GABRG2: variants seen among roughly 807,000 people sequenced by gnomAD.
GABRG2 encodes gamma-aminobutyric acid type A receptor subunit gamma2.
GABRG2 carries 16 observed loss-of-function variants against 56.4 expected under a neutral mutation model. The ratio of observed to expected loss-of-function variants is 0.28; its 90% confidence interval spans 0.19 to 0.43. GABRG2 has a LOEUF of 0.43. Ranked by LOEUF, GABRG2 falls within the 20% of genes least tolerant of loss-of-function variation. The probability of loss-of-function intolerance (pLI) is 1.00; values close to 1 mark genes in which losing one functional copy is unlikely to be tolerated. For synonymous variants in GABRG2, 208 were observed against 205.5 expected, an observed-to-expected ratio of 1.01 and a Z score of -0.10; for missense variants, 327 against 582.7, an observed-to-expected ratio of 0.56 and a Z score of 4.52.
chr5:162,077,099 GTGTGTGTGTGT>G (rs1561635624), intron 1 of GABRG2, among the ~76,000 whole-genome samples: 1 of 150,714 alleles, frequency 6.6e-6, no homozygotes, highest in Non-Finnish European at 1.5e-5. Context: ...GTGTGTGTGT[GTGTGTGTGTGT>G]GATGTTTCTA....
chr5:162,115,484 T>A (rs1313771957), intron 6 of GABRG2, among the ~76,000 whole-genome samples: 1 of 150,614 alleles, frequency 6.6e-6, no homozygotes, highest in Non-Finnish European at 1.5e-5. Flanking sequence ...GGGACCAGGG[T>A]GTTGCCATAG....
At chr5:162,104,058 C>G (rs751071750) in intron 6 of GABRG2, 32 bp downstream of exon 6, 1 of 1,612,248 alleles carries the variant, frequency 6.2e-7, no homozygotes, top group Non-Finnish European at 8.5e-7. Context: ...TTTCAAGTGA[C>G]CCTTCCAGAG....
intron 6 of GABRG2, among the ~76,000 whole-genome samples, chr5:162,124,927 C>G (rs1031654624): frequency 6.7e-6 from 1 of 149,638 alleles, no homozygotes; most frequent in African/African-American, 2.5e-5. Context: ...AAATAAGATG[C>G]AGTTTTTGCT....
intron 1 of GABRG2, among the ~76,000 whole-genome samples, chr5:162,090,307 C>T (rs148095523): frequency 7.2e-6 from 1 of 139,738 alleles, no homozygotes; most frequent in Non-Finnish European, 1.6e-5. Flanking sequence ...CATAGACATA[C>T]ACATACACAT....
chr5:162,075,972 G>T (rs551365090), intron 1 of GABRG2, among the ~76,000 whole-genome samples: 68 of 150,646 alleles, frequency 4.5e-4, no homozygotes, highest in Admixed American at 3.9e-3. Context: ...GGGCAACATG[G>T]TGTGACCCTA....
chr5:162,074,559 G>A (rs72821318), intron 1 of GABRG2, among the ~76,000 whole-genome samples: 140 of 151,884 alleles, frequency 9.2e-4, no homozygotes, highest in Middle Eastern at 6.8e-3. Context: ...AAATAAAATG[G>A]CAAAAACAAG....
chr5:162,120,587 A>T lies in GABRG2; in HGVS notation c.769+16561A>T, dbSNP rs181601242. On this transcript the variant is annotated intron_variant, in intron 6 of 9. Transcript: ENST00000639213. ...AGGATTCTGGATGCAGCATCAGATA[A>T]TAGAGACGGCATGTGAGCTCTCATG... Among the ~76,000 whole-genome samples, 307 of 152,218 alleles carry T rather than the reference A, an allele frequency of 2.0e-3. 2 individuals are homozygous for T. Among genetic ancestry groups the T allele is most frequent in the African/African-American group, 7.1e-3 (293 of 41,546 alleles).
intron 6 of GABRG2, among the ~76,000 whole-genome samples, chr5:162,121,888 T>G (rs1290224519): frequency 6.6e-6 from 1 of 152,024 alleles, no homozygotes; most frequent in Admixed American, 6.6e-5. Context: ...TCATTTAATG[T>G]AATTGAAGGC....
chr5:162,121,965 A>G (rs965087623), intron 6 of GABRG2, among the ~76,000 whole-genome samples: 1 of 152,080 alleles, frequency 6.6e-6, no homozygotes, highest in African/African-American at 2.4e-5. Context: ...GAAACTATGC[A>G]TGCATAAATA....
chr5:162,125,467 G>A lies in GABRG2; in HGVS notation c.770-16697G>A, dbSNP rs561392826. ...ATTATATAATCATTGAGGTCTCAAC[G>A]CAAATGTAGATAGCAGCTTCACTTT... is the stretch of plus-strand genomic sequence containing the variant. On this transcript the variant is annotated intron_variant, in intron 6 of 9. Transcript: ENST00000639213. 4.9e-5 allele frequency among the ~76,000 whole-genome samples: 7 copies of A among 143,486 alleles called. No individual in the cohort carries two copies. In the South Asian group the frequency reaches 1.0e-3, roughly 21 times the overall value. 94.1% of individuals were successfully genotyped at this position (143,486 alleles called of 152,430 possible).
At position 162,093,947 on chromosome 5, in the gene GABRG2, G is replaced by T; in HGVS notation, c.227G>T (p.Gly76Val). ...VTVILNNLLE[G>V]YDNKLRPDIG... ...GTCATCTTAAACAACCTGCTGGAAG[G>T]ATATGACAATAAACTTCGGCCTGAT... Residue 76 changes from glycine (G) to valine (V), a missense_variant, in exon 2 of 10, where the codon GGA (glycine) becomes GTA (valine). Physicochemically the swap from Gly to Val is moderately radical, Grantham distance 109. Around this residue, in one of 4 missense-constraint regions of GABRG2, gnomAD observed 104 missense variants for 209.3 expected, o/e 0.50. Coordinates refer to ENST00000639213, the MANE Select transcript of GABRG2 (RefSeq NM_198904.4). 6.2e-7 allele frequency: 1 copy of T among 1,613,290 alleles called. No homozygotes were observed. The highest frequency in any genetic ancestry group is 2.2e-5 in the East Asian group (1 of 44,800).
At chr5:162,093,000 C>A (rs911760457) in intron 1 of GABRG2, among the ~76,000 whole-genome samples, 1 of 152,058 alleles carries the variant, frequency 6.6e-6, no homozygotes, top group African/African-American at 2.4e-5. Context: ...ATAGGAATTC[C>A]AGTCCCCTTC....
At chr5:162,112,387 C>A (rs1484631167) in intron 6 of GABRG2, among the ~76,000 whole-genome samples, 2 of 142,314 alleles carry the variant, frequency 1.4e-5, no homozygotes, top group Non-Finnish European at 3.0e-5. Flanking sequence ...ACAGCTACTG[C>A]CCCAAAATAA....
intron 9 of GABRG2, chr5:162,152,752 C>T (rs1765462693): frequency 1.8e-6 from 1 of 548,470 alleles, no homozygotes; most frequent in African/African-American, 1.9e-5. Flanking sequence ...CCATCAAATG[C>T]CTTCATGTAA....
At chr5:162,077,030 A>G (rs187813179) in intron 1 of GABRG2, among the ~76,000 whole-genome samples, 32 of 152,038 alleles carry the variant, frequency 2.1e-4, no homozygotes, top group African/African-American at 5.8e-4. Flanking sequence ...ATACAGTTAG[A>G]TGAAGTGTTT....
At chr5:162,129,118 A>T (rs956136297) in intron 6 of GABRG2, 1 of 151,992 alleles carries the variant, frequency 6.6e-6, no homozygotes, top group East Asian at 1.9e-4. Context: ...TTAGTTGTTG[A>T]TTGGTGTATT....
At chr5:162,103,758 G>A (rs1215202932) in intron 5 of GABRG2, 131 bp from the exon 6 acceptor site, 2 of 966,090 alleles carry the variant, frequency 2.1e-6, no homozygotes, top group Non-Finnish European at 3.2e-6. Context: ...AATGCCCTTT[G>A]GTCCAAGATC....
chr5:162,129,187 G>A (rs755611567), intron 6 of GABRG2: 1 of 151,946 alleles, frequency 6.6e-6, no homozygotes, highest in Non-Finnish European at 1.5e-5. Flanking sequence ...TGTGATCAAT[G>A]TTTATGTCAC....
intron 6 of GABRG2, among the ~76,000 whole-genome samples, chr5:162,134,556 C>G (rs934420391): frequency 1.3e-5 from 2 of 152,152 alleles, no homozygotes; most frequent in Non-Finnish European, 2.9e-5. Flanking sequence ...GACTCAGAGA[C>G]ATAGAAAAGT....
Sources: allele counts gnomAD v4.1 joint callset (sites outside exome capture counted in the v4.1 genomes callset), GRCh38; gene constraint gnomAD v4.1.1; regional missense constraint gnomAD v4.1.1; transcripts MANE v1.5; gene names NCBI Gene and HGNC (gene_info 2026-07-23, HGNC 2026-07-21).